Variants in CTNNA3 observed in about 807,000 individuals in gnomAD.
CTNNA3 encodes catenin alpha 3, also known as catenin alpha-3.
In CTNNA3, 76 loss-of-function variants were observed where a neutral mutation model predicts 95.7. That is an observed-to-expected ratio of 0.79 (90% CI 0.66 to 0.96). CTNNA3 has a LOEUF of 0.96. Ranked by LOEUF, CTNNA3 falls within the 40% of genes least tolerant of loss-of-function variation. The pLI, the probability that CTNNA3 is intolerant of heterozygous loss-of-function variation, is 0.00. For synonymous variants in CTNNA3, 431 were observed against 374.4 expected, an observed-to-expected ratio of 1.15 and a Z score of -1.74; for missense variants, 1,191 against 1,089.8, an observed-to-expected ratio of 1.09 and a Z score of -1.31.
chr10:66,777,779 ACACACACACACACACACATG>A lies in CTNNA3; in HGVS notation c.1048-2275_1048-2256del, dbSNP rs1288756461. ...AGACCTCCTACACACACACACACACACACACACACACACACACATGCACACACACACACACACACACAGTA... is the reference window on the plus strand; with the variant it reads ...AGACCTCCTACACACACACACACACACACACACACACACACACACACAGTA... On this transcript the variant is annotated intron_variant, in intron 7 of 17. Coordinates refer to ENST00000433211, the MANE Select transcript of CTNNA3 (RefSeq NM_013266.4). Among the ~76,000 whole-genome samples, 20 of 123,778 alleles carry A rather than the reference ACACACACACACACACACATG, an allele frequency of 1.6e-4. No individual in the cohort carries two copies. The Admixed American group carries it at 1.7e-3, about 10-fold the overall frequency. The allele number at this position is 123,778 out of a possible 152,430, so 81.2% of individuals were successfully genotyped here.
rs905881656 is a variant in CTNNA3, at chr10:67,606,838, C to G, written c.292+19G>C. 6.3e-7 allele frequency: 1 copy of G among 1,592,806 alleles called. No homozygotes were observed. The highest frequency in any genetic ancestry group is 8.6e-7 in the Non-Finnish European group (1 of 1,166,554). ...CTAAAGATATGCAGTTTGCTCCTGA[C>G]CAGGATTGGAGTACTCACTTTCTTT... On this transcript the variant is annotated intron_variant, in intron 3 of 17. Coordinates refer to ENST00000433211, the MANE Select transcript of CTNNA3 (RefSeq NM_013266.4).
At chr10:67,582,525 T>C (rs992583322) in intron 3 of CTNNA3, among the ~76,000 whole-genome samples, 2 of 152,168 alleles carry the variant, frequency 1.3e-5, no homozygotes, top group African/African-American at 2.4e-5. Context: ...CTGAGAAGAA[T>C]GTATATTCTG....
chr10:66,147,348 C>T (rs926647989), intron 13 of CTNNA3, among the ~76,000 whole-genome samples: 4 of 152,006 alleles, frequency 2.6e-5, no homozygotes, highest in Admixed American at 6.6e-5. Flanking sequence ...TTGTTTGTAA[C>T]AAAAGTTGCA....
intron 10 of CTNNA3, among the ~76,000 whole-genome samples, chr10:66,567,403 G>A (rs1842746157): frequency 6.6e-6 from 1 of 152,042 alleles, no homozygotes; most frequent in Non-Finnish European, 1.5e-5. Context: ...AGAATTGCTT[G>A]AGCCCAGGAG....
intron 9 of CTNNA3, among the ~76,000 whole-genome samples, chr10:66,711,262 A>C (rs1012066854): frequency 4.6e-5 from 7 of 151,012 alleles, no homozygotes; most frequent in African/African-American, 7.3e-5. Context: ...AAGAAACAAA[A>C]AAAAAAAAAA....
chr10:66,941,061 G>GA (rs1423090373), intron 7 of CTNNA3, among the ~76,000 whole-genome samples: 10 of 152,190 alleles, frequency 6.6e-5, no homozygotes, highest in Non-Finnish European at 8.8e-5. Context: ...GACGATGGGG[G>GA]AAAGGCAGTT....
chr10:66,870,328 G>A (rs954049379), intron 7 of CTNNA3, among the ~76,000 whole-genome samples: 3 of 152,114 alleles, frequency 2.0e-5, no homozygotes, highest in Non-Finnish European at 4.4e-5. Context: ...CGGATGTTTT[G>A]CTACGGCTAT....
At chr10:67,102,059 C>T (rs1858378106) in intron 7 of CTNNA3, among the ~76,000 whole-genome samples, 1 of 151,818 alleles carries the variant, frequency 6.6e-6, no homozygotes, top group African/African-American at 2.4e-5. Flanking sequence ...CAGCTCTTAA[C>T]AGTTTATAAT....
intron 13 of CTNNA3, among the ~76,000 whole-genome samples, chr10:66,210,572 T>A (rs4746555): frequency 6.6e-6 from 1 of 152,134 alleles, no homozygotes; most frequent in African/African-American, 2.4e-5. Context: ...TTTTTTTCAA[T>A]TGATACATAA....
chr10:67,088,824 T>C (rs750555610), intron 7 of CTNNA3, among the ~76,000 whole-genome samples: 1 of 152,060 alleles, frequency 6.6e-6, no homozygotes, highest in Non-Finnish European at 1.5e-5. Flanking sequence ...ATTGAGTTCC[T>C]GCCTTATTAT....
At chr10:66,581,866 A>G (rs760170704) in intron 10 of CTNNA3, among the ~76,000 whole-genome samples, 6 of 151,656 alleles carry the variant, frequency 4.0e-5, no homozygotes, top group Non-Finnish European at 7.4e-5. Flanking sequence ...TTTCTTCTAC[A>G]TGTGACTATG....
chr10:67,664,414 A>G (rs896550583), intron 1 of CTNNA3, among the ~76,000 whole-genome samples: 3 of 152,204 alleles, frequency 2.0e-5, no homozygotes, highest in Non-Finnish European at 2.9e-5. Context: ...TTTAATATTT[A>G]TAATCTAATA....
At chr10:66,324,591 C>A (rs2092230997) in intron 12 of CTNNA3, among the ~76,000 whole-genome samples, 1 of 152,150 alleles carries the variant, frequency 6.6e-6, no homozygotes, top group African/African-American at 2.4e-5. Flanking sequence ...CTGGCCCCAG[C>A]CTCTGCACCT....
chr10:67,484,907 G>T (rs1228782382), intron 5 of CTNNA3, among the ~76,000 whole-genome samples: 2 of 152,180 alleles, frequency 1.3e-5, no homozygotes, highest in African/African-American at 4.8e-5. Context: ...AAAGGAGTTT[G>T]GAGATTTCTG....
rs182796338 is a variant in CTNNA3 at position 66,715,866 on chromosome 10, T to A, written c.1281+50398A>T. 1.6e-3 allele frequency among the ~76,000 whole-genome samples: 250 copies of A among 152,106 alleles called. 1 individual carries two copies. The highest frequency in any genetic ancestry group is 5.3e-3 in the African/African-American group (219 of 41,546). ...AAAATAAAATGAAATTGTATTGAAG[T>A]TAGAAAATTCAAATATATTTCATTA... On this transcript the variant is annotated intron_variant, in intron 9 of 17. Coordinates refer to ENST00000433211, the MANE Select transcript of CTNNA3 (RefSeq NM_013266.4).
At chr10:66,024,510 C>G (rs2079298530) in intron 15 of CTNNA3, among the ~76,000 whole-genome samples, 1 of 152,178 alleles carries the variant, frequency 6.6e-6, no homozygotes, top group East Asian at 1.9e-4. Context: ...TGTAACCATT[C>G]TCTGTAAAGA....
chr10:66,655,415 A>G (rs188064415), intron 9 of CTNNA3, among the ~76,000 whole-genome samples: 1 of 152,194 alleles, frequency 6.6e-6, no homozygotes, highest in African/African-American at 2.4e-5. Context: ...AAGAGAATCT[A>G]TAAGAGAGAA....
intron 2 of CTNNA3, among the ~76,000 whole-genome samples, chr10:67,620,068 A>G (rs1448374441): frequency 6.6e-6 from 1 of 152,102 alleles, no homozygotes; most frequent in Admixed American, 6.6e-5. Flanking sequence ...GTGAAGAGCC[A>G]AGTGATCTAG....
At chr10:66,046,240 T>G (rs1426081690) in intron 15 of CTNNA3, among the ~76,000 whole-genome samples, 1 of 152,142 alleles carries the variant, frequency 6.6e-6, no homozygotes, top group African/African-American at 2.4e-5. Context: ...CACAGATCTT[T>G]GTAACCTTCA....
Sources: allele counts gnomAD v4.1 joint callset (sites outside exome capture counted in the v4.1 genomes callset), GRCh38; gene constraint gnomAD v4.1.1; transcripts MANE v1.5; gene names NCBI Gene and HGNC (gene_info 2026-07-23, HGNC 2026-07-21).